DOCK3: variants seen among roughly 807,000 people sequenced by gnomAD.
The protein encoded by DOCK3 is dedicator of cytokinesis 3, also known as dedicator of cytokinesis protein 3.
DOCK3 carries 60 observed loss-of-function variants against 265.6 expected under a neutral mutation model. That is an observed-to-expected ratio of 0.23 (90% confidence interval 0.18 to 0.28). The LOEUF is 0.28. Ranked by LOEUF, DOCK3 falls within the 10% of genes least tolerant of loss-of-function variation. The pLI, the probability that DOCK3 is intolerant of heterozygous loss-of-function variation, is 1.00. For synonymous variants in DOCK3, 881 were observed against 938.0 expected, an observed-to-expected ratio of 0.94 and a Z score of 1.11; for missense variants, 1,981 against 2,594.3, an observed-to-expected ratio of 0.76 and a Z score of 5.14.
intron 14 of DOCK3, among the ~76,000 whole-genome samples, chr3:51,224,507 C>T (rs759627174): frequency 6.6e-6 from 1 of 152,184 alleles, no homozygotes; most frequent in Non-Finnish European, 1.5e-5. Context: ...CAAAAACAAA[C>T]CCTGCTTCTA....
intron 5 of DOCK3, among the ~76,000 whole-genome samples, chr3:51,062,745 A>G (rs2081454335): frequency 6.6e-6 from 1 of 152,266 alleles, no homozygotes; most frequent in African/African-American, 2.4e-5. Context: ...ATGGACTATC[A>G]TATAGGCTTT....
chr3:50,714,685 C>T (rs1032361153), intron 1 of DOCK3, among the ~76,000 whole-genome samples: 5 of 152,140 alleles, frequency 3.3e-5, no homozygotes, highest in Admixed American at 1.3e-4. Flanking sequence ...AGTCCTTCTG[C>T]CTCAGCCTCC....
intron 5 of DOCK3, among the ~76,000 whole-genome samples, chr3:51,032,024 G>C (rs1322535363): frequency 6.6e-6 from 1 of 152,016 alleles, no homozygotes; most frequent in Non-Finnish European, 1.5e-5. Context: ...TAAGTATTTT[G>C]TTACAGCTGC....
chr3:50,761,117 G>A (rs1461143791), intron 1 of DOCK3, among the ~76,000 whole-genome samples: 1 of 151,490 alleles, frequency 6.6e-6, no homozygotes, highest in African/African-American at 2.4e-5. Flanking sequence ...ATAAGATCCT[G>A]TCTTCTTTAT....
At chr3:51,120,361 T>C (rs554993827) in intron 9 of DOCK3, among the ~76,000 whole-genome samples, 1 of 151,802 alleles carries the variant, frequency 6.6e-6, no homozygotes, top group African/African-American at 2.4e-5. Context: ...GGGGCACCCA[T>C]TGGGTGCCAG....
At chr3:50,872,645 C>T (rs1313509199) in intron 3 of DOCK3, among the ~76,000 whole-genome samples, 2 of 152,214 alleles carry the variant, frequency 1.3e-5, no homozygotes, top group African/African-American at 4.8e-5. Flanking sequence ...TCCCCAGTTC[C>T]TGGGTGAGTT....
At chr3:50,936,192 A>G (rs1050386565) in intron 5 of DOCK3, among the ~76,000 whole-genome samples, 2 of 152,022 alleles carry the variant, frequency 1.3e-5, no homozygotes, top group African/African-American at 2.4e-5. Context: ...ATAGCAGCCT[A>G]TAGAAATTAT....
At chr3:51,069,979 C>T (rs1257664414) in intron 6 of DOCK3, among the ~76,000 whole-genome samples, 3 of 152,170 alleles carry the variant, frequency 2.0e-5, no homozygotes, top group African/African-American at 4.8e-5. Context: ...GTGGTGTGCT[C>T]ACTGATCAGT....
At chr3:50,768,194 A>G (rs2041031848) in intron 1 of DOCK3, among the ~76,000 whole-genome samples, 2 of 152,162 alleles carry the variant, frequency 1.3e-5, no homozygotes, top group Admixed American at 1.3e-4. Flanking sequence ...GTCCTATGCC[A>G]GTTTTCAAAG....
intron 27 of DOCK3, among the ~76,000 whole-genome samples, chr3:51,296,569 T>C (rs534251886): frequency 6.6e-6 from 1 of 151,206 alleles, no homozygotes; most frequent in East Asian, 2.0e-4. Context: ...CTCTGCCTCC[T>C]GGGTTCACCC....
At chr3:50,936,211 G>T (rs1389011901) in intron 5 of DOCK3, among the ~76,000 whole-genome samples, 1 of 151,616 alleles carries the variant, frequency 6.6e-6, no homozygotes, top group Non-Finnish European at 1.5e-5. Flanking sequence ...ATAGAGAAAT[G>T]AACAGGTCAA....
chr3:51,145,310 T>C (rs2085247961), intron 9 of DOCK3, among the ~76,000 whole-genome samples: 1 of 152,170 alleles, frequency 6.6e-6, no homozygotes, highest in East Asian at 1.9e-4. Context: ...ACATGTGCCA[T>C]GTTGGTGTGC....
At chr3:51,356,277 G>GT in intron 42 of DOCK3, 22 bp downstream of exon 42, 1 of 1,613,662 alleles carries the variant, frequency 6.2e-7, no homozygotes, top group Admixed American at 1.7e-5. Flanking sequence ...TAGGAAAACG[G>GT]GCAGTACACA....
At chr3:50,736,496 A>G (rs958853685) in intron 1 of DOCK3, among the ~76,000 whole-genome samples, 1 of 152,120 alleles carries the variant, frequency 6.6e-6, no homozygotes, top group Middle Eastern at 3.2e-3. Flanking sequence ...ATAATGGTTG[A>G]ACTAGTTTAC....
chr3:51,341,439 G>A (rs1372380603), intron 38 of DOCK3, 54 bp downstream of exon 38: 8 of 1,600,108 alleles, frequency 5.0e-6, no homozygotes, highest in Non-Finnish European at 6.8e-6. Flanking sequence ...GTGATGCATG[G>A]CATCTTGACA....
At chr3:51,152,762 C>T (rs1016389075) in intron 10 of DOCK3, among the ~76,000 whole-genome samples, 1 of 152,194 alleles carries the variant, frequency 6.6e-6, no homozygotes, top group Non-Finnish European at 1.5e-5. Context: ...CCCTCTGCTG[C>T]AGGTCTGTTG....
At chr3:50,717,852 T>G (rs1402636437) in intron 1 of DOCK3, among the ~76,000 whole-genome samples, 1 of 152,192 alleles carries the variant, frequency 6.6e-6, no homozygotes, top group Non-Finnish European at 1.5e-5. Flanking sequence ...CTCGAACTCC[T>G]GGCTTCAAGT....
chr3:50,915,149 T>C (rs1381905644), intron 4 of DOCK3, among the ~76,000 whole-genome samples: 1 of 152,090 alleles, frequency 6.6e-6, no homozygotes, highest in African/African-American at 2.4e-5. Flanking sequence ...CAGCACTGGC[T>C]TGACTCCAGG....
chr3:50,980,595 T>C (rs2077654793), intron 5 of DOCK3, among the ~76,000 whole-genome samples: 1 of 152,190 alleles, frequency 6.6e-6, no homozygotes, highest in Non-Finnish European at 1.5e-5. Context: ...TCCTGTGCTT[T>C]TCCTTATTGG....
Sources: gnomAD v4.1 joint callset for allele counts (sites outside exome capture counted in the v4.1 genomes callset) on GRCh38, gnomAD v4.1.1 for gene constraint, MANE v1.5 for transcripts, NCBI Gene and HGNC (gene_info 2026-07-23, HGNC 2026-07-21) for gene names.